ADD2: variants seen among roughly 807,000 people sequenced by gnomAD.
The protein encoded by ADD2 is adducin 2.
In ADD2, 23 loss-of-function variants were observed where a neutral mutation model predicts 83.0. That is an observed-to-expected ratio of 0.28 (90% CI 0.20 to 0.39). ADD2 has a LOEUF of 0.39. Ranked by LOEUF, ADD2 falls within the 10% of genes least tolerant of loss-of-function variation. The probability of loss-of-function intolerance (pLI) is 1.00; values close to 1 mark genes in which losing one functional copy is unlikely to be tolerated. For missense variants in ADD2, 758 were observed against 944.9 expected, an observed-to-expected ratio of 0.80 and a Z score of 2.59; for synonymous variants, 375 against 375.4, an observed-to-expected ratio of 1.00 and a Z score of 0.01.
At chr2:70,683,379 C>CT (rs1436845491) in intron 10 of ADD2, among the ~76,000 whole-genome samples, 1 of 152,176 alleles carries the variant, frequency 6.6e-6, no homozygotes, top group Non-Finnish European at 1.5e-5. Context: ...ATCCACAGCA[C>CT]TTAGTTGTGG....
intron 14 of ADD2, chr2:70,673,264 G>A: frequency 1.2e-6 from 2 of 1,614,096 alleles, no homozygotes; most frequent in South Asian, 1.1e-5. Context: ...CAGATGTGGA[G>A]GGCAACGCTG....
intron 1 of ADD2, among the ~76,000 whole-genome samples, chr2:70,739,678 T>C (rs553379258): frequency 6.6e-6 from 1 of 152,368 alleles, no homozygotes; most frequent in East Asian, 1.9e-4. Flanking sequence ...CACCATGGAA[T>C]ACTATGTAGC....
chr2:70,712,237 A>T (rs1334234280), intron 2 of ADD2, among the ~76,000 whole-genome samples: 2 of 152,056 alleles, frequency 1.3e-5, no homozygotes, highest in East Asian at 3.9e-4. Context: ...TGAAGTCAGG[A>T]GTTCAAGACC....
intron 1 of ADD2, among the ~76,000 whole-genome samples, chr2:70,753,668 A>G (rs1419732715): frequency 5.3e-5 from 8 of 152,186 alleles, no homozygotes; most frequent in African/African-American, 1.7e-4. Flanking sequence ...GCACCCAGAA[A>G]GGTGGGTGGG....
chr2:70,756,756 T>C (rs1574329172), intron 1 of ADD2, among the ~76,000 whole-genome samples: 1 of 151,940 alleles, frequency 6.6e-6, no homozygotes, highest in Non-Finnish European at 1.5e-5. Context: ...TTGTCTGGAG[T>C]TGTGGGGATG....
rs1553368965 is a variant in ADD2 at position 70,678,846 on chromosome 2, G to A, written c.1241C>T (p.Ala414Val). Reference protein sequence around the residue: ...VTAFVFEEDGAPVPALRQHAQ... With the variant: ...VTAFVFEEDGVPVPALRQHAQ... ...ATGCTGTCGCAGGGCGGGCACCGGGGCACCGTCCTCCTCAAACACGAAGGC... is the reference window on the plus strand; with the variant it reads ...ATGCTGTCGCAGGGCGGGCACCGGGACACCGTCCTCCTCAAACACGAAGGC... The change falls in exon 11 of 16, where the codon GCC (alanine) becomes GTC (valine). Residue 414 changes from alanine to valine, a missense_variant. Coordinates refer to ENST00000264436, the MANE Select transcript of ADD2 (RefSeq NM_001617.4). 5 of 1,614,054 alleles carry A rather than the reference G, an allele frequency of 3.1e-6. No individual in the cohort carries two copies. The African/African-American group carries it at 5.3e-5, about 17-fold the overall frequency.
intron 10 of ADD2, among the ~76,000 whole-genome samples, chr2:70,682,749 TG>T (rs1670522637): frequency 6.6e-6 from 1 of 152,186 alleles, no homozygotes; most frequent in Non-Finnish European, 1.5e-5. Flanking sequence ...GAAGAAAGAA[TG>T]TCTTAAAATT....
At chr2:70,720,130 G>A (rs897171379) in intron 1 of ADD2, among the ~76,000 whole-genome samples, 4 of 152,134 alleles carry the variant, frequency 2.6e-5, no homozygotes, top group African/African-American at 9.7e-5. Context: ...CACTGTTTGG[G>A]CATAAGAGAA....
chr2:70,676,516 C>T lies in ADD2; in HGVS notation c.1593+280G>A. The T allele has an allele frequency of 7.3e-7, 1 of 1,378,790 alleles. No homozygotes were observed. Among genetic ancestry groups the T allele is most frequent in the African/African-American group, 1.5e-5 (1 of 68,784 alleles). The allele number at this position is 1,378,790 out of a possible 1,614,324, so 85.4% of individuals were successfully genotyped here. A position where few individuals can be genotyped will look rare whatever the true frequency, so the allele number is the denominator to read the frequency against. Reference sequence around the variant, plus strand: ...TAGTAAGGGAGGACAGAGTGGAGTTCCATGGCAGGAGGTACGGAAGCCGGC... The same window carrying T: ...TAGTAAGGGAGGACAGAGTGGAGTTTCATGGCAGGAGGTACGGAAGCCGGC... On this transcript the variant is annotated intron_variant, in intron 13 of 15. Transcript: ENST00000264436. This position sits in a 1 kb window ranked among gnomAD's most constrained non-coding sequence, Gnocchi z 4.8.
In ADD2 at chr2:70,662,549, CCT is replaced by C. The variant is rs1257913322; in HGVS notation, c.*874_*875del. The C allele has an allele frequency of 6.6e-6, 1 of 152,228 alleles. No homozygotes were observed. The highest frequency in any genetic ancestry group is 1.9e-4 in the East Asian group (1 of 5,200). The allele number at this position is 152,228 out of a possible 1,614,324, so 9.4% of individuals were successfully genotyped here. A position where few individuals can be genotyped will look rare whatever the true frequency, so the allele number is the denominator to read the frequency against. ...ATGCAAAGCTAGAAAGTCAGCATTT[CCT>C]CTGTTGTTTTGATCCTCCTTATACA... is the stretch of plus-strand genomic sequence containing the variant. On this transcript the variant is annotated 3_prime_UTR_variant, in exon 16 of 16. Transcript: ENST00000264436.
intron 1 of ADD2, among the ~76,000 whole-genome samples, chr2:70,715,458 C>CCATG (rs1276221009): frequency 2.0e-5 from 3 of 152,154 alleles, no homozygotes; most frequent in Non-Finnish European, 4.4e-5. Flanking sequence ...ACAGTGTGAG[C>CCATG]CATGGTGCCC....
intron 1 of ADD2, among the ~76,000 whole-genome samples, chr2:70,735,246 G>A (rs1673477957): frequency 1.3e-5 from 2 of 152,062 alleles, no homozygotes; most frequent in South Asian, 2.1e-4. Flanking sequence ...CCCTCTGAAT[G>A]AAACCCTGTG....
rs371074458 is a variant in ADD2 at position 70,767,712 on chromosome 2, C to A, written c.-154+174G>T. ...CGGATGCTACATCATCACCAGAAAC[C>A]TTTAGGCGCAAAACACACCGCTGCC... On this transcript the variant is annotated intron_variant, in intron 1 of 15. Coordinates refer to ENST00000264436, the MANE Select transcript of ADD2 (RefSeq NM_001617.4). 217 of 1,425,364 alleles carry A rather than the reference C, an allele frequency of 1.5e-4. No individual in the cohort carries two copies. In the African/African-American group the frequency reaches 2.9e-3, roughly 19 times the overall value. 88.3% of individuals were successfully genotyped at this position (1,425,364 alleles called of 1,614,324 possible).
At chr2:70,699,968 T>C (rs1234583973) in intron 4 of ADD2, among the ~76,000 whole-genome samples, 1 of 152,238 alleles carries the variant, frequency 6.6e-6, no homozygotes, top group Non-Finnish European at 1.5e-5. Flanking sequence ...GGTCATTTTA[T>C]ATGAATTAAA....
intron 1 of ADD2, among the ~76,000 whole-genome samples, chr2:70,724,883 C>T (rs1558561381): frequency 6.6e-6 from 1 of 152,244 alleles, no homozygotes; most frequent in Admixed American, 6.5e-5. Flanking sequence ...ATTTTTGATA[C>T]ACCCAAGCCT....
intron 15 of ADD2, 76 bp downstream of exon 15, chr2:70,672,802 A>G: frequency 1.3e-6 from 2 of 1,485,300 alleles, no homozygotes; most frequent in Non-Finnish European, 9.0e-7. Context: ...GGGCAACACG[A>G]GTGGAAGGCA....
chr2:70,765,000 G>A (rs1402763401), intron 1 of ADD2, among the ~76,000 whole-genome samples: 1 of 151,932 alleles, frequency 6.6e-6, no homozygotes, highest in Non-Finnish European at 1.5e-5. Flanking sequence ...GGAGGTGATC[G>A]AAGGCATCAT....
intron 1 of ADD2, among the ~76,000 whole-genome samples, chr2:70,757,220 T>TACAGAGGTATCTACAGCAG: frequency 6.6e-6 from 1 of 151,566 alleles, no homozygotes; most frequent in African/African-American, 2.4e-5. Context: ...TATTTTGGGA[T>TACAGAGGTATCTACAGCAG]ACAGAGGTAT....
Position 70,746,649 on chromosome 2 carries a change from G to A in ADD2, c.-154+21237C>T, listed in dbSNP as rs1399934354. Among the ~76,000 whole-genome samples, 8 of 152,300 alleles carry A rather than the reference G, an allele frequency of 5.3e-5. No individual in the cohort carries two copies. The East Asian group carries it at 5.8e-4, about 11-fold the overall frequency. On this transcript the variant is annotated intron_variant, in intron 1 of 15. Coordinates refer to ENST00000264436, the MANE Select transcript of ADD2 (RefSeq NM_001617.4). ...GGGTAGGATGGGAAAACACTGGGCC[G>A]GGAGGGAAAACAATTGGAGTCAAGT...
Sources: gnomAD v4.1 joint callset for allele counts (sites outside exome capture counted in the v4.1 genomes callset) on GRCh38, gnomAD v4.1.1 for gene constraint, Gnocchi (gnomAD v3.1) non-coding constraint, MANE v1.5 for transcripts, NCBI Gene and HGNC (gene_info 2026-07-23, HGNC 2026-07-21) for gene names.